Variants in HECW1 observed in about 807,000 individuals in gnomAD.
HECW1 encodes HECT, C2 and WW domain containing E3 ubiquitin protein ligase 1.
In HECW1, 61 loss-of-function variants were observed where a neutral mutation model predicts 182.3. That is an observed-to-expected ratio of 0.33 (90% CI 0.27 to 0.41). HECW1 has a LOEUF of 0.41. Ranked by LOEUF, HECW1 falls within the 10% of genes least tolerant of loss-of-function variation. The probability of loss-of-function intolerance (pLI) is 1.00; values close to 1 mark genes in which losing one functional copy is unlikely to be tolerated. For synonymous variants in HECW1, 859 were observed against 832.6 expected, an observed-to-expected ratio of 1.03 and a Z score of -0.55; for missense variants, 1,739 against 2,108.9, an observed-to-expected ratio of 0.82 and a Z score of 3.44.
intron 4 of HECW1, among the ~76,000 whole-genome samples, chr7:43,315,337 T>G (rs1023572336): frequency 3.3e-5 from 5 of 152,138 alleles, no homozygotes; most frequent in Non-Finnish European, 4.4e-5. Context: ...GCATTGATTT[T>G]TAGGAGCTCC....
chr7:43,426,934 A>G (rs1194459986), intron 8 of HECW1, among the ~76,000 whole-genome samples: 1 of 152,142 alleles, frequency 6.6e-6, no homozygotes, highest in African/African-American at 2.4e-5. Flanking sequence ...TCTCCAAAAT[A>G]TATAGAGAGA....
At chr7:43,515,428 T>C (rs75999729) in intron 24 of HECW1, among the ~76,000 whole-genome samples, 4,064 of 152,216 alleles carry the variant, frequency 0.027, 172 homozygotes, top group African/African-American at 0.092. Flanking sequence ...GTGAAATAGT[T>C]GTAGGAAGAG....
In HECW1 at chr7:43,413,023, C is replaced by T. The variant is rs61224128; in HGVS notation, c.801+5292C>T. Among the ~76,000 whole-genome samples, 214 of 148,240 alleles carry T rather than the reference C, an allele frequency of 1.4e-3. 2 individuals carry two copies. In the East Asian group the frequency reaches 0.029, roughly 20 times the overall value. ...TTCTAAATCTAGATCCCTGAGGAAT[C>T]GCCACACTGACTTCCACAATGGTTG... On this transcript the variant is annotated intron_variant, in intron 8 of 29. Transcript: ENST00000395891.
chr7:43,459,247 C>T (rs2077500382), intron 13 of HECW1, among the ~76,000 whole-genome samples: 1 of 152,198 alleles, frequency 6.6e-6, no homozygotes. Context: ...TTTTGCCTTA[C>T]TCTTCTTTCT....
intron 24 of HECW1, among the ~76,000 whole-genome samples, chr7:43,513,954 T>A (rs923319970): frequency 4.6e-5 from 7 of 152,180 alleles, no homozygotes; most frequent in Admixed American, 4.6e-4. Context: ...CTGCGAGACC[T>A]GGCCACAGCA....
At chr7:43,455,842 A>T (rs1476139622) in intron 12 of HECW1, among the ~76,000 whole-genome samples, 2 of 152,040 alleles carry the variant, frequency 1.3e-5, no homozygotes, top group African/African-American at 4.8e-5. Flanking sequence ...TCTACTAAAA[A>T]ATACCAAAAT....
chr7:43,368,418 T>A (rs920858785), intron 6 of HECW1, among the ~76,000 whole-genome samples: 2 of 152,210 alleles, frequency 1.3e-5, no homozygotes, highest in African/African-American at 4.8e-5. Context: ...TATTCATAAA[T>A]GTGTCTCCTG....
chr7:43,416,900 C>T (rs6966881), intron 8 of HECW1, among the ~76,000 whole-genome samples: 4,994 of 152,028 alleles, frequency 0.033, 270 homozygotes, highest in African/African-American at 0.11. Flanking sequence ...GCACGGTGTG[C>T]GCACCCACTG....
rs1279758598 is a variant in HECW1, at chr7:43,525,749, G to A, written c.4020-15414G>A. The stretch of plus-strand genomic sequence containing the variant: ...GAATATCATTGTGAACGATAAATGG[G>A]AATCACTATAGACCTCTAGGGAAGT... On this transcript the variant is annotated intron_variant, in intron 24 of 29. Coordinates refer to ENST00000395891, the MANE Select transcript of HECW1 (RefSeq NM_015052.5). 3.9e-5 allele frequency among the ~76,000 whole-genome samples: 6 copies of A among 152,166 alleles called. No individual in the cohort carries two copies. The East Asian group carries it at 1.2e-3, about 29-fold the overall frequency.
At chr7:43,144,671 GTTTC>G (rs1474702668) in intron 2 of HECW1, among the ~76,000 whole-genome samples, 2 of 151,928 alleles carry the variant, frequency 1.3e-5, no homozygotes, top group Non-Finnish European at 2.9e-5. Flanking sequence ...GAGTTTTCTT[GTTTC>G]TTTGTCTGTT....
At chr7:43,303,014 G>T (rs1481251741) in intron 3 of HECW1, among the ~76,000 whole-genome samples, 4 of 152,018 alleles carry the variant, frequency 2.6e-5, no homozygotes, top group African/African-American at 9.7e-5. Flanking sequence ...ACCAGAGGAG[G>T]TGCTAAATAT....
At chr7:43,198,616 C>T (rs1332699237) in intron 2 of HECW1, among the ~76,000 whole-genome samples, 1 of 149,710 alleles carries the variant, frequency 6.7e-6, no homozygotes, top group Non-Finnish European at 1.5e-5. Context: ...CATACACACT[C>T]ATTCACACAC....
chr7:43,342,475 T>C (rs1339182317), intron 5 of HECW1, among the ~76,000 whole-genome samples: 1 of 151,818 alleles, frequency 6.6e-6, no homozygotes, highest in Non-Finnish European at 1.5e-5. Flanking sequence ...ACTGCTCTTA[T>C]TGTTTCCTCT....
chr7:43,479,003 C>T (rs2078320781), intron 16 of HECW1, among the ~76,000 whole-genome samples: 1 of 152,178 alleles, frequency 6.6e-6, no homozygotes, highest in Non-Finnish European at 1.5e-5. Context: ...CCATTTAGAT[C>T]AGTGGTCTCC....
At chr7:43,399,453 T>A (rs992117417) in intron 7 of HECW1, among the ~76,000 whole-genome samples, 2 of 152,150 alleles carry the variant, frequency 1.3e-5, no homozygotes, top group Non-Finnish European at 2.9e-5. Context: ...TCAAAAACAG[T>A]AGAAACCAGG....
At chr7:43,188,415 A>T (rs1464185212) in intron 2 of HECW1, among the ~76,000 whole-genome samples, 1 of 152,088 alleles carries the variant, frequency 6.6e-6, no homozygotes, top group African/African-American at 2.4e-5. Flanking sequence ...GTTAGTGGTT[A>T]AACTCAAGCA....
intron 11 of HECW1, among the ~76,000 whole-genome samples, chr7:43,448,163 C>A (rs1584940318): frequency 6.6e-6 from 1 of 152,102 alleles, no homozygotes; most frequent in East Asian, 1.9e-4. Context: ...GAAAAAAAAA[C>A]TGCATTAGAT....
chr7:43,184,185 T>C (rs1437353215), intron 2 of HECW1, among the ~76,000 whole-genome samples: 5 of 152,124 alleles, frequency 3.3e-5, no homozygotes, highest in Admixed American at 6.6e-5. Flanking sequence ...GGCTAATTTT[T>C]TGTATTTTTA....
At chr7:43,158,672 C>T (rs547923712) in intron 2 of HECW1, among the ~76,000 whole-genome samples, 5 of 152,284 alleles carry the variant, frequency 3.3e-5, no homozygotes, top group Admixed American at 2.0e-4. Context: ...CCAATCCCAT[C>T]CCCTCCCCCT....
Sources: allele counts gnomAD v4.1 joint callset (sites outside exome capture counted in the v4.1 genomes callset), GRCh38; gene constraint gnomAD v4.1.1; transcripts MANE v1.5; gene names NCBI Gene and HGNC (gene_info 2026-07-23, HGNC 2026-07-21).